The following PEX14 variants were observed in gnomAD, a reference collection of about 807,000 sequenced individuals.
PEX14 encodes peroxisomal membrane protein PEX14.
Under a neutral mutation model 49.5 loss-of-function variants are expected in PEX14, and 15 were observed. That is an observed-to-expected ratio of 0.30 (90% CI 0.20 to 0.47). PEX14 has a LOEUF of 0.47. PEX14 is among the 20% of genes least tolerant of loss of function. PEX14 has a pLI of 1.00. For synonymous variants in PEX14, 210 were observed against 212.7 expected (o/e 0.99, Z 0.11); for missense variants, 398 against 494.8 (o/e 0.80, Z 1.86).
At chr1:10,570,859 T>TTTTTTG (rs1347768202) in intron 3 of PEX14, among the ~76,000 whole-genome samples, 1 of 146,786 alleles carries the variant, frequency 6.8e-6, no homozygotes. Context: ...TTTTTTTTTT[T>TTTTTTG]TTTTTTGAGA....
At chr1:10,500,141 G>A (rs1308521049) in intron 2 of PEX14, among the ~76,000 whole-genome samples, 1 of 119,368 alleles carries the variant, frequency 8.4e-6, no homozygotes, top group Non-Finnish European at 1.9e-5. Context: ...CGGTGCTCAC[G>A]CCTGTAATCC....
intron 1 of PEX14, among the ~76,000 whole-genome samples, 169 bp downstream of exon 1, chr1:10,475,171 T>TC (rs1319156884): frequency 9.6e-5 from 1 of 10,446 alleles, no homozygotes; most frequent in Admixed American, 7.9e-4. Context: ...ACCCGGCCCC[T>TC]CCCCCCGGTG....
chr1:10,588,107 G>C (rs1036961447), intron 3 of PEX14, among the ~76,000 whole-genome samples: 20 of 151,718 alleles, frequency 1.3e-4, no homozygotes. Context: ...TGTAATCCCA[G>C]CTACTCGGGA....
chr1:10,509,843 A>G (rs1641852649), intron 2 of PEX14, among the ~76,000 whole-genome samples: 1 of 152,038 alleles, frequency 6.6e-6, no homozygotes, highest in Non-Finnish European at 1.5e-5. Context: ...TTATTCTTTT[A>G]CGCTTTATTT....
At chr1:10,537,341 A>ACCACC (rs796854134) in intron 3 of PEX14, among the ~76,000 whole-genome samples, 30 of 28,428 alleles carry the variant, frequency 1.1e-3, no homozygotes, top group African/African-American at 4.2e-3. Flanking sequence ...TTGTGCCAGC[A>ACCACC]CCCCCCCCCC....
intron 3 of PEX14, among the ~76,000 whole-genome samples, chr1:10,582,838 A>G (rs980808752): frequency 3.3e-5 from 5 of 151,990 alleles, no homozygotes; most frequent in Non-Finnish European, 7.4e-5. Context: ...GATTCAATCA[A>G]TTCTGCCACC....
intron 2 of PEX14, among the ~76,000 whole-genome samples, chr1:10,532,464 G>C (rs953665703): frequency 3.9e-5 from 6 of 152,222 alleles, no homozygotes; most frequent in Admixed American, 3.9e-4. Flanking sequence ...GATTAAACTA[G>C]CTATTGGTAA....
At chr1:10,605,932 A>G (rs577025655) in intron 4 of PEX14, among the ~76,000 whole-genome samples, 4 of 152,342 alleles carry the variant, frequency 2.6e-5, no homozygotes, top group African/African-American at 9.6e-5. Context: ...ATGGGGGCTG[A>G]ATAAATGCCA....
chr1:10,616,470 T>C (rs1641420015), intron 4 of PEX14, among the ~76,000 whole-genome samples: 1 of 152,236 alleles, frequency 6.6e-6, no homozygotes, highest in Non-Finnish European at 1.5e-5. Context: ...AGAACGCTGC[T>C]GATTTTCCCT....
intron 2 of PEX14, among the ~76,000 whole-genome samples, chr1:10,520,560 G>A (rs1175073140): frequency 6.6e-6 from 1 of 152,130 alleles, no homozygotes; most frequent in Non-Finnish European, 1.5e-5. Context: ...GGGGCTACAC[G>A]TAGGCTCAGG....
intron 8 of PEX14, 119 bp downstream of exon 8, chr1:10,627,482 C>A: frequency 1.3e-6 from 1 of 746,714 alleles, no homozygotes; most frequent in South Asian, 1.5e-5. Context: ...TCTGTCTGGG[C>A]GACTCAGGCA....
rs1391484758 is a variant in PEX14 at position 10,599,367 on chromosome 1, G to C, written c.298+1G>C. 3.7e-6 allele frequency: 6 copies of C among 1,614,048 alleles called. No individual in the cohort carries two copies. Among genetic ancestry groups the C allele is most frequent in the African/African-American group, 1.3e-5 (1 of 74,918 alleles). On this transcript the variant is annotated splice_donor_variant, in intron 4 of 8. Coordinates refer to ENST00000356607, the MANE Select transcript of PEX14 (RefSeq NM_004565.3). LOFTEE classifies it high-confidence loss of function. ...CCTCACCTCATATCTCAGCCATACA[G>C]TAAGTCACCCGCTCAAACTCCTGCT...
chr1:10,615,678 T>C (rs1641393934), intron 4 of PEX14, among the ~76,000 whole-genome samples: 1 of 152,238 alleles, frequency 6.6e-6, no homozygotes. Flanking sequence ...ATGTGGGAGA[T>C]GGCACGTGTG....
intron 4 of PEX14, among the ~76,000 whole-genome samples, chr1:10,603,951 G>A (rs1218632298): frequency 6.6e-6 from 1 of 152,236 alleles, no homozygotes; most frequent in Non-Finnish European, 1.5e-5. Flanking sequence ...AATCCTGAGA[G>A]AGAGTGAGTT....
At chr1:10,508,078 C>G (rs1641818020) in intron 2 of PEX14, among the ~76,000 whole-genome samples, 1 of 152,216 alleles carries the variant, frequency 6.6e-6, no homozygotes, top group Non-Finnish European at 1.5e-5. Context: ...TTCCTGTCAG[C>G]ATTTCCCCCC....
intron 3 of PEX14, among the ~76,000 whole-genome samples, chr1:10,541,358 A>T (rs1371234673): frequency 5.3e-5 from 8 of 152,244 alleles, no homozygotes; most frequent in Non-Finnish European, 1.0e-4. Context: ...ACCTGGAGGA[A>T]GAAGGCAAAA....
At position 10,599,339 on chromosome 1, in the gene PEX14, C is replaced by T; in HGVS notation, c.271C>T (p.Pro91Ser). The change falls in exon 4 of 9, where the codon CCC (proline) becomes TCC (serine). Residue 91 changes from proline (P) to serine (S), a missense_variant. Around this residue, in one of 3 missense-constraint regions of PEX14, gnomAD observed 202 missense variants for 298.5 expected, o/e 0.68. Coordinates refer to ENST00000356607, the MANE Select transcript of PEX14 (RefSeq NM_004565.3). ...AGCCACACAGGTGGTTCCTGTCCAG[C>T]CCCCTCACCTCATATCTCAGCCATA... Reference protein sequence around the residue: ...GPATQVVPVQPPHLISQPYSP... With the variant: ...GPATQVVPVQSPHLISQPYSP... 6.2e-7 allele frequency: 1 copy of T among 1,608,922 alleles called. No individual in the cohort carries two copies. Among genetic ancestry groups the T allele is most frequent in the Non-Finnish European group, 8.5e-7 (1 of 1,175,248 alleles).
chr1:10,512,602 T>C lies in PEX14; in HGVS notation c.84+17281T>C, dbSNP rs1445282459. Among the ~76,000 whole-genome samples, 1 of 152,220 alleles carries C rather than the reference T, an allele frequency of 6.6e-6. No homozygotes were observed. Among genetic ancestry groups the C allele is most frequent in the Non-Finnish European group, 1.5e-5 (1 of 68,030 alleles). On this transcript the variant is annotated intron_variant, in intron 2 of 8. Coordinates refer to ENST00000356607, the MANE Select transcript of PEX14 (RefSeq NM_004565.3). This position sits in a 1 kb window ranked among gnomAD's most constrained non-coding sequence, Gnocchi z 4.6. ...AAATCCTTAAATCCAACTGAACTAATTTTAGAAGTAGCTAGTTATAATGAA... is the reference window on the plus strand; with the variant it reads ...AAATCCTTAAATCCAACTGAACTAACTTTAGAAGTAGCTAGTTATAATGAA...
At chr1:10,538,491 A>G (rs1181491216) in intron 3 of PEX14, among the ~76,000 whole-genome samples, 1 of 152,220 alleles carries the variant, frequency 6.6e-6, no homozygotes, top group Admixed American at 6.5e-5. Flanking sequence ...ATCCTCTAAA[A>G]TGCTGCTTCA....
Sources: gnomAD v4.1 joint callset for allele counts (sites outside exome capture counted in the v4.1 genomes callset) on GRCh38, gnomAD v4.1.1 for gene constraint, gnomAD v4.1.1 regional missense constraint, Gnocchi (gnomAD v3.1) non-coding constraint, MANE v1.5 for transcripts, NCBI Gene and HGNC (gene_info 2026-07-23, HGNC 2026-07-21) for gene names.